Variants in NR6A1 observed in about 807,000 individuals in gnomAD.
NR6A1 encodes the protein nuclear receptor subfamily 6 group A member 1.
A neutral mutation model predicts 59.1 loss-of-function variants in NR6A1; 7 were observed. The ratio of observed to expected loss-of-function variants is 0.12; its 90% CI spans 0.07 to 0.22. The LOEUF (loss-of-function observed/expected upper bound fraction) is 0.22, where lower values mean the gene tolerates loss of function less well. NR6A1 is among the 10% of genes least tolerant of loss of function. The pLI, the probability that NR6A1 is intolerant of heterozygous loss-of-function variation, is 1.00. For synonymous variants in NR6A1, 243 were observed against 236.1 expected, an observed-to-expected ratio of 1.03 and a Z score of -0.27; for missense variants, 468 against 611.6, an observed-to-expected ratio of 0.77 and a Z score of 2.48.
intron 2 of NR6A1, among the ~76,000 whole-genome samples, chr9:124,641,488 GC>G (rs1434490399): frequency 1.3e-5 from 2 of 152,132 alleles, no homozygotes; most frequent in African/African-American, 4.8e-5. Context: ...GACTGCTTGA[GC>G]TCAGGAGTTT....
chr9:124,680,570 C>T lies in NR6A1; in HGVS notation c.142+52738G>A, dbSNP rs549368653. ...TTGATAGATCAACCTTTATTGAGCT[C>T]CACTGTACAAACGAGCCCTTAAATA... On this transcript the variant is annotated intron_variant, in intron 2 of 9. Coordinates refer to ENST00000487099, the MANE Select transcript of NR6A1 (RefSeq NM_033334.4). Among the ~76,000 whole-genome samples, 23 of 152,244 alleles carry T rather than the reference C, an allele frequency of 1.5e-4. 1 individual carries two copies. Among genetic ancestry groups the T allele is most frequent in the Middle Eastern group, 3.4e-3 (1 of 294 alleles).
intron 2 of NR6A1, among the ~76,000 whole-genome samples, chr9:124,707,015 G>A (rs1277324764): frequency 6.6e-6 from 1 of 151,822 alleles, no homozygotes; most frequent in Admixed American, 6.6e-5. Flanking sequence ...ATCATACTTG[G>A]CGTTTATTAG....
intron 2 of NR6A1, among the ~76,000 whole-genome samples, chr9:124,643,317 C>T (rs1836822573): frequency 6.6e-6 from 1 of 151,438 alleles, no homozygotes; most frequent in African/African-American, 2.4e-5. Context: ...AAAATTTTGC[C>T]AGGCCAGGCA....
chr9:124,741,669 T>A (rs1214630368), intron 1 of NR6A1, among the ~76,000 whole-genome samples: 1 of 152,202 alleles, frequency 6.6e-6, no homozygotes, highest in Non-Finnish European at 1.5e-5. Flanking sequence ...GAAACAATAT[T>A]TTCGAAAAAA....
At chr9:124,761,653 A>G (rs1840788152) in intron 1 of NR6A1, among the ~76,000 whole-genome samples, 1 of 152,114 alleles carries the variant, frequency 6.6e-6, no homozygotes, top group East Asian at 1.9e-4. Flanking sequence ...TCACAACTCT[A>G]AGACTCAGTG....
At chr9:124,572,102 G>A (rs931856482) in intron 2 of NR6A1, among the ~76,000 whole-genome samples, 19 of 152,174 alleles carry the variant, frequency 1.2e-4, no homozygotes, top group African/African-American at 4.6e-4. Flanking sequence ...TCAACAGTAT[G>A]GAGAAACTGA....
intron 2 of NR6A1, among the ~76,000 whole-genome samples, chr9:124,700,054 T>A (rs893247361): frequency 1.3e-5 from 2 of 152,166 alleles, no homozygotes; most frequent in African/African-American, 4.8e-5. Context: ...TTCGCCATGT[T>A]GGCCTGGCTG....
At chr9:124,715,998 T>A (rs1588822595) in intron 2 of NR6A1, among the ~76,000 whole-genome samples, 1 of 151,554 alleles carries the variant, frequency 6.6e-6, no homozygotes, top group South Asian at 2.1e-4. Context: ...AGGCCAGGAG[T>A]TCGAGACCAG....
intron 2 of NR6A1, among the ~76,000 whole-genome samples, chr9:124,587,410 T>C (rs1834967491): frequency 6.6e-6 from 1 of 152,182 alleles, no homozygotes; most frequent in African/African-American, 2.4e-5. Flanking sequence ...GATGACAAAC[T>C]GGTGAGCCAG....
intron 1 of NR6A1, among the ~76,000 whole-genome samples, chr9:124,741,219 T>A (rs1364838007): frequency 6.6e-6 from 1 of 152,224 alleles, no homozygotes; most frequent in South Asian, 2.1e-4. Context: ...CTGGTGGCTA[T>A]GAAACAGTGA....
intron 2 of NR6A1, among the ~76,000 whole-genome samples, chr9:124,573,317 A>G (rs1834497710): frequency 6.6e-6 from 1 of 152,182 alleles, no homozygotes; most frequent in South Asian, 2.1e-4. Flanking sequence ...ATCTACTCCA[A>G]CCTAAGGAAT....
intron 2 of NR6A1, among the ~76,000 whole-genome samples, chr9:124,600,249 G>C (rs1308719036): frequency 6.6e-6 from 1 of 152,182 alleles, no homozygotes; most frequent in East Asian, 1.9e-4. Flanking sequence ...CCTTGATACA[G>C]ACATTCCCTA....
At position 124,771,246 on chromosome 9, in the gene NR6A1, T is replaced by C. The variant is rs1464359597; in HGVS notation, c.-127A>G. 1.9e-5 allele frequency: 9 copies of C among 478,388 alleles called. No homozygotes were observed. Among genetic ancestry groups the C allele is most frequent in the Non-Finnish European group, 3.0e-5 (9 of 300,246 alleles). 29.6% of individuals were successfully genotyped at this position (478,388 alleles called of 1,614,324 possible). On this transcript the variant is annotated 5_prime_UTR_variant, in exon 1 of 10. Coordinates refer to ENST00000487099, the MANE Select transcript of NR6A1 (RefSeq NM_033334.4). ...CCGCGAGCTCCCGGCCGCGGCTCTC[T>C]CTGGGCCCCGAGCCGCCCGGCTCCG... is the stretch of plus-strand genomic sequence containing the variant.
At chr9:124,566,179 G>A (rs1428755238) in intron 2 of NR6A1, among the ~76,000 whole-genome samples, 1 of 152,198 alleles carries the variant, frequency 6.6e-6, no homozygotes, top group Non-Finnish European at 1.5e-5. Flanking sequence ...AAAGAAGTGC[G>A]AAAGCAAAGA....
chr9:124,570,129 CCTTAT>C (rs1588675211), intron 2 of NR6A1, among the ~76,000 whole-genome samples: 1 of 152,196 alleles, frequency 6.6e-6, no homozygotes, highest in Non-Finnish European at 1.5e-5. Context: ...TCTATGTTCA[CCTTAT>C]CTTAAGTAAA....
At chr9:124,715,498 T>C (rs1217773393) in intron 2 of NR6A1, among the ~76,000 whole-genome samples, 1 of 152,118 alleles carries the variant, frequency 6.6e-6, no homozygotes, top group African/African-American at 2.4e-5. Flanking sequence ...ATTGCACCAC[T>C]GTACTCCAGC....
At chr9:124,620,581 A>T (rs1836040599) in intron 2 of NR6A1, among the ~76,000 whole-genome samples, 1 of 152,264 alleles carries the variant, frequency 6.6e-6, no homozygotes, top group Admixed American at 6.5e-5. Flanking sequence ...CAGATAATAC[A>T]TATGGTATAA....
chr9:124,753,669 TCAA>T (rs1275914576), intron 1 of NR6A1, among the ~76,000 whole-genome samples: 1 of 152,212 alleles, frequency 6.6e-6, no homozygotes, highest in African/African-American at 2.4e-5. Flanking sequence ...TGCTGAGTGT[TCAA>T]CAACTACTTG....
Position 124,771,072 on chromosome 9 carries a change from G to T in NR6A1, c.48C>A (p.Gly16=). The T allele has an allele frequency of 8.1e-7, 1 of 1,230,352 alleles. No individual in the cohort carries two copies. Among genetic ancestry groups the T allele is most frequent in the Non-Finnish European group, 1.0e-6 (1 of 986,996 alleles). The allele number at this position is 1,230,352 out of a possible 1,614,324, so 76.2% of individuals were successfully genotyped here. The change falls in exon 1 of 10, where the codon GGC becomes GGA. Residue 16 remains glycine, a synonymous_variant. Coordinates refer to ENST00000487099, the MANE Select transcript of NR6A1 (RefSeq NM_033334.4). ...CGGGAGGCTCCAGGAACCCCGCCGA[G>T]CCCCCGCCGCCTCCCCCTCCGCTAG... is the stretch of plus-strand genomic sequence containing the variant. ...PPPSGGGGGG[G]SAGFLEPPAA...
Sources: gnomAD v4.1 joint callset for allele counts (sites outside exome capture counted in the v4.1 genomes callset) on GRCh38, gnomAD v4.1.1 for gene constraint, MANE v1.5 for transcripts, NCBI Gene and HGNC (gene_info 2026-07-23, HGNC 2026-07-21) for gene names.